The following PDZD2 variants were observed in gnomAD, a reference collection of about 807,000 sequenced individuals.
The protein encoded by PDZD2 is PDZ domain-containing protein 2.
PDZD2 carries 90 observed loss-of-function variants against 220.7 expected under a neutral mutation model. That is an observed-to-expected ratio of 0.41 (90% CI 0.34 to 0.49). The LOEUF (loss-of-function observed/expected upper bound fraction) is 0.49. PDZD2 is among the 20% of genes least tolerant of loss of function. The probability of loss-of-function intolerance (pLI) is 0.28; values close to 1 mark genes in which losing one functional copy is unlikely to be tolerated. For synonymous variants in PDZD2, 1,375 were observed against 1,450.5 expected (o/e 0.95, Z 1.18); for missense variants, 3,174 against 3,608.5 (o/e 0.88, Z 3.08).
chr5:32,038,748 T>C (rs985377216), intron 7 of PDZD2, among the ~76,000 whole-genome samples: 1 of 152,150 alleles, frequency 6.6e-6, no homozygotes, highest in Non-Finnish European at 1.5e-5. Flanking sequence ...TCATCTGGTA[T>C]GGCAGGAAAA....
chr5:32,068,993 C>T (rs937081392), intron 14 of PDZD2, among the ~76,000 whole-genome samples: 16 of 152,066 alleles, frequency 1.1e-4, no homozygotes, highest in African/African-American at 2.9e-4. Context: ...TTAGGCCGGA[C>T]GCGGTGGCTC....
At chr5:31,710,124 C>G (rs1748020986) in intron 1 of PDZD2, among the ~76,000 whole-genome samples, 1 of 152,082 alleles carries the variant, frequency 6.6e-6, no homozygotes, top group South Asian at 2.1e-4. Context: ...AAGGAAGTGG[C>G]TTAGAGGTAA....
chr5:32,108,220 C>A lies in PDZD2; in HGVS notation c.*85C>A. The stretch of plus-strand genomic sequence containing the variant: ...TTTAAACCACAGGTTGTTGAAATGG[C>A]CAACACTGGTACAGACACGGACTAT... On this transcript the variant is annotated 3_prime_UTR_variant, in exon 25 of 25. Coordinates refer to ENST00000438447, the MANE Select transcript of PDZD2 (RefSeq NM_178140.4). 2 of 856,490 alleles carry A rather than the reference C, an allele frequency of 2.3e-6. No individual in the cohort carries two copies. The highest frequency in any genetic ancestry group is 3.6e-6 in the Non-Finnish European group (2 of 548,382). The allele number at this position is 856,490 out of a possible 1,614,324, so 53.1% of individuals were successfully genotyped here.
At chr5:31,888,732 C>T (rs528931059) in intron 2 of PDZD2, among the ~76,000 whole-genome samples, 157 of 152,302 alleles carry the variant, frequency 1.0e-3, no homozygotes, top group East Asian at 9.1e-3. Context: ...AACACTAAAT[C>T]ATTCCCTGAG....
intron 2 of PDZD2, among the ~76,000 whole-genome samples, chr5:31,922,462 T>C (rs532558437): frequency 3.9e-5 from 6 of 152,208 alleles, no homozygotes; most frequent in Non-Finnish European, 8.8e-5. Flanking sequence ...TGTTTTTGTT[T>C]TGTTTTTAAG....
chr5:32,093,067 C>A, intron 21 of PDZD2, 43 bp downstream of exon 21: 1 of 1,021,094 alleles, frequency 9.8e-7, no homozygotes, highest in Non-Finnish European at 1.6e-6. Context: ...ATTGCGGCCG[C>A]GTGAGTGCCC....
intron 2 of PDZD2, among the ~76,000 whole-genome samples, chr5:31,955,550 C>T (rs1336372494): frequency 1.3e-5 from 2 of 152,132 alleles, no homozygotes; most frequent in African/African-American, 4.8e-5. Context: ...ATCTGCCCCA[C>T]CTCGGCCTCC....
chr5:31,681,887 T>C (rs930864368), intron 1 of PDZD2, among the ~76,000 whole-genome samples: 8 of 152,120 alleles, frequency 5.3e-5, no homozygotes, highest in African/African-American at 1.9e-4. Flanking sequence ...AAAGGAATAA[T>C]ACGTTTAAAA....
intron 2 of PDZD2, among the ~76,000 whole-genome samples, chr5:31,898,006 G>A (rs1005856725): frequency 6.6e-6 from 1 of 152,172 alleles, no homozygotes; most frequent in African/African-American, 2.4e-5. Flanking sequence ...CTCCCAAAGT[G>A]CTGGGATTAC....
chr5:32,096,829 ATTTTTTT>A (rs71831480), intron 21 of PDZD2, among the ~76,000 whole-genome samples: 23 of 96,832 alleles, frequency 2.4e-4, no homozygotes, highest in African/African-American at 3.7e-4. Flanking sequence ...ATGTACTATG[ATTTTTTT>A]TTTTTTTTTT....
chr5:31,852,578 G>A (rs903815171), intron 2 of PDZD2, among the ~76,000 whole-genome samples: 12 of 151,312 alleles, frequency 7.9e-5, no homozygotes, highest in Admixed American at 5.3e-4. Context: ...GAGCCACCAC[G>A]TGCCTGGACT....
chr5:31,880,340 A>C (rs1448668032), intron 2 of PDZD2, among the ~76,000 whole-genome samples: 3 of 152,210 alleles, frequency 2.0e-5, no homozygotes, highest in Non-Finnish European at 4.4e-5. Context: ...TTAAATTATT[A>C]TTCAAATCCT....
In PDZD2 at chr5:31,732,083, C is replaced by T. The variant is rs575726103; in HGVS notation, c.-360-66806C>T. Among the ~76,000 whole-genome samples, 378 of 152,322 alleles carry T rather than the reference C, an allele frequency of 2.5e-3. 1 individual carries two copies. Among genetic ancestry groups the T allele is most frequent in the Non-Finnish European group, 4.3e-3 (294 of 68,028 alleles). ...GTCTGGAACAAACCTTGTAGAGGCCCCTCATCCTCTACATGCGTAATTCTG... is the reference window on the plus strand; with the variant it reads ...GTCTGGAACAAACCTTGTAGAGGCCTCTCATCCTCTACATGCGTAATTCTG... On this transcript the variant is annotated intron_variant, in intron 1 of 24. Coordinates refer to ENST00000438447, the MANE Select transcript of PDZD2 (RefSeq NM_178140.4).
intron 2 of PDZD2, among the ~76,000 whole-genome samples, chr5:31,829,479 G>A (rs976588208): frequency 5.3e-5 from 8 of 151,538 alleles, no homozygotes; most frequent in Non-Finnish European, 7.4e-5. Flanking sequence ...ACCACACCTC[G>A]CTAATTTTTG....
rs1740999647 is a variant in PDZD2 at position 32,073,861 on chromosome 5, A to C, written c.2755A>C (p.Asn919His). 1.2e-6 allele frequency: 2 copies of C among 1,613,014 alleles called. No homozygotes were observed. Among genetic ancestry groups the C allele is most frequent in the African/African-American group, 2.7e-5 (2 of 74,864 alleles). ...THKEPGKPRA[N>H]SLVTLGSHRA... is the part of the protein sequence containing the mutation. ...CAAGGAGCCTGGAAAACCCAGAGCCAACAGCCTCGTGACTCTTGGGAGCCA... is the reference window on the plus strand; with the variant it reads ...CAAGGAGCCTGGAAAACCCAGAGCCCACAGCCTCGTGACTCTTGGGAGCCA... The change falls in exon 18 of 25, where the codon AAC becomes CAC. Residue 919 changes from asparagine (N) to histidine (H), a missense_variant. By Grantham distance (68) the Asn-to-His change is moderately conservative. This residue lies in a region of PDZD2 where 1,861 missense variants were observed against 2,001.0 expected (regional missense o/e 0.93). Coordinates refer to ENST00000438447, the MANE Select transcript of PDZD2 (RefSeq NM_178140.4).
intron 15 of PDZD2, 67 bp from the exon 16 acceptor site, chr5:32,071,317 G>A: frequency 9.0e-7 from 1 of 1,112,580 alleles, no homozygotes; most frequent in Non-Finnish European, 1.4e-6. Flanking sequence ...TTCTAGTTAA[G>A]GATGTGAGCC....
intron 2 of PDZD2, among the ~76,000 whole-genome samples, chr5:31,814,563 G>A (rs375648597): frequency 3.3e-5 from 5 of 152,080 alleles, no homozygotes; most frequent in African/African-American, 9.7e-5. Context: ...TGGCTTACAC[G>A]TGTAATCCCA....
At chr5:31,794,277 T>A (rs1220038799) in intron 1 of PDZD2, among the ~76,000 whole-genome samples, 1 of 152,154 alleles carries the variant, frequency 6.6e-6, no homozygotes, top group Admixed American at 6.6e-5. Flanking sequence ...AACACAGGCT[T>A]CAAGAAGCTT....
chr5:32,042,355 A>T (rs1318940896), intron 7 of PDZD2, among the ~76,000 whole-genome samples: 1 of 151,052 alleles, frequency 6.6e-6, no homozygotes, highest in Admixed American at 6.6e-5. Flanking sequence ...TGAGGTCAGG[A>T]GTTCGAGACG....
Sources: gnomAD v4.1 joint callset for allele counts (sites outside exome capture counted in the v4.1 genomes callset) on GRCh38, gnomAD v4.1.1 for gene constraint, gnomAD v4.1.1 regional missense constraint, MANE v1.5 for transcripts, NCBI Gene and HGNC (gene_info 2026-07-23, HGNC 2026-07-21) for gene names.